Variants in SEMA3C observed in about 807,000 individuals in gnomAD.
The protein encoded by SEMA3C is semaphorin 3C, also known as semaphorin-3C.
A neutral mutation model predicts 89.4 loss-of-function variants in SEMA3C; 47 were observed. The observed-to-expected ratio is 0.53, with a 90% CI of 0.42 to 0.67. The LOEUF (loss-of-function observed/expected upper bound fraction) is 0.67. SEMA3C is among the 30% of genes least tolerant of loss of function. SEMA3C has a pLI of 0.00. For missense variants in SEMA3C, 839 were observed against 929.1 expected (o/e 0.90, Z 1.26); for synonymous variants, 310 against 320.2 (o/e 0.97, Z 0.34).
At chr7:80,863,923 T>TTA (rs1554383239) in intron 2 of SEMA3C, among the ~76,000 whole-genome samples, 2 of 118,876 alleles carry the variant, frequency 1.7e-5, no homozygotes, top group East Asian at 2.4e-4. Flanking sequence ...CACATATATA[T>TTA]CATATATATC....
intron 2 of SEMA3C, among the ~76,000 whole-genome samples, chr7:80,865,703 G>A (rs947710581): frequency 2.0e-5 from 3 of 152,124 alleles, no homozygotes; most frequent in African/African-American, 7.2e-5. Context: ...GCTGAGACAG[G>A]AGAATCACTT....
chr7:80,848,268 C>T (rs1043446660), intron 2 of SEMA3C, among the ~76,000 whole-genome samples: 3 of 152,172 alleles, frequency 2.0e-5, no homozygotes, highest in African/African-American at 7.2e-5. Flanking sequence ...TGGGACTATG[C>T]TCCCTCCTTT....
intron 12 of SEMA3C, among the ~76,000 whole-genome samples, chr7:80,780,732 A>G (rs1788672435): frequency 1.3e-5 from 2 of 152,038 alleles, no homozygotes; most frequent in South Asian, 4.2e-4. Context: ...AAAAATAGAA[A>G]AATTAGCCAG....
At chr7:80,888,878 T>A (rs1376754294) in intron 2 of SEMA3C, among the ~76,000 whole-genome samples, 1 of 151,698 alleles carries the variant, frequency 6.6e-6, no homozygotes, top group Non-Finnish European at 1.5e-5. Flanking sequence ...TTTTTTTTTC[T>A]TTTGAGATGG....
rs1400779594 is a variant in SEMA3C, at chr7:80,900,348, C to T, written c.103+16331G>A. On this transcript the variant is annotated intron_variant, in intron 2 of 17. Coordinates refer to ENST00000265361, the MANE Select transcript of SEMA3C (RefSeq NM_006379.5). ...TAGGATGGTCTCAATCTCCTGACCT[C>T]GTGATCCATCCACCTTGGTCTCCCA... 3.9e-5 allele frequency among the ~76,000 whole-genome samples: 6 copies of T among 152,232 alleles called. No homozygotes were observed. The South Asian group carries it at 8.3e-4, about 21-fold the overall frequency.
intron 13 of SEMA3C, among the ~76,000 whole-genome samples, chr7:80,762,510 C>T (rs1457637726): frequency 6.6e-6 from 1 of 152,186 alleles, no homozygotes; most frequent in East Asian, 1.9e-4. Context: ...TTATTAGTTA[C>T]TTTTAATGAT....
intron 8 of SEMA3C, 36 bp from the exon 9 acceptor site, chr7:80,802,815 A>C (rs767430752): frequency 6.8e-7 from 1 of 1,477,052 alleles, no homozygotes; most frequent in Non-Finnish European, 9.4e-7. Flanking sequence ...CAGATTGCTT[A>C]AGTAAATATT....
intron 2 of SEMA3C, among the ~76,000 whole-genome samples, chr7:80,879,112 G>T (rs1791269729): frequency 6.6e-6 from 1 of 151,820 alleles, no homozygotes; most frequent in South Asian, 2.1e-4. Flanking sequence ...AGGAGAGGAT[G>T]TACAAATACC....
intron 15 of SEMA3C, among the ~76,000 whole-genome samples, chr7:80,753,399 T>C (rs531153695): frequency 2.0e-5 from 3 of 152,334 alleles, no homozygotes; most frequent in Admixed American, 2.0e-4. Flanking sequence ...TCATCCACAA[T>C]GGCTAAATTT....
At chr7:80,758,213 C>A (rs1463709248) in intron 15 of SEMA3C, 118 bp downstream of exon 15, 2 of 1,124,846 alleles carry the variant, frequency 1.8e-6, no homozygotes, top group Non-Finnish European at 2.5e-6. Context: ...TTAAACATAG[C>A]TTCTACCTTT....
chr7:80,915,734 C>G (rs1792255688), intron 2 of SEMA3C: 1 of 124,438 alleles, frequency 8.0e-6, no homozygotes, highest in African/African-American at 3.5e-5. Context: ...GCGTGAGACA[C>G]TGTCTCAAAA....
chr7:80,761,133 T>C (rs1466895989), intron 14 of SEMA3C, among the ~76,000 whole-genome samples: 1 of 152,136 alleles, frequency 6.6e-6, no homozygotes, highest in African/African-American at 2.4e-5. Context: ...TTTTTTGACA[T>C]GTTTAAATCC....
chr7:80,759,004 T>C (rs1788128026), intron 14 of SEMA3C, among the ~76,000 whole-genome samples: 1 of 152,206 alleles, frequency 6.6e-6, no homozygotes, highest in Non-Finnish European at 1.5e-5. Context: ...GAAAGTTGCA[T>C]GTTACTCATT....
At chr7:80,910,105 T>C (rs1792108744) in intron 2 of SEMA3C, among the ~76,000 whole-genome samples, 2 of 152,196 alleles carry the variant, frequency 1.3e-5, no homozygotes, top group African/African-American at 4.8e-5. Flanking sequence ...GCACTGCTCA[T>C]AATTAATTTT....
upstream of SEMA3C, among the ~76,000 whole-genome samples, chr7:80,920,205 G>A (rs574460631): frequency 5.3e-5 from 8 of 152,266 alleles, no homozygotes; most frequent in Admixed American, 5.2e-4. Flanking sequence ...ATGTTTAAGT[G>A]AAAATTACTT....
At chr7:80,748,631 T>C (rs1787853206) in intron 17 of SEMA3C, among the ~76,000 whole-genome samples, 1 of 152,148 alleles carries the variant, frequency 6.6e-6, no homozygotes, top group Non-Finnish European at 1.5e-5. Flanking sequence ...TTTACGAACG[T>C]TTCCTCACAT....
chr7:80,779,840 T>C (rs779371633), intron 12 of SEMA3C, among the ~76,000 whole-genome samples: 1 of 152,170 alleles, frequency 6.6e-6, no homozygotes, highest in Non-Finnish European at 1.5e-5. Flanking sequence ...AGTGAGAGAC[T>C]CTACTAGCCT....
At chr7:80,815,317 T>C (rs1789574532) in intron 5 of SEMA3C, among the ~76,000 whole-genome samples, 1 of 151,958 alleles carries the variant, frequency 6.6e-6, no homozygotes, top group African/African-American at 2.4e-5. Context: ...GGGAGTCAAT[T>C]TGGTCACTGA....
intron 15 of SEMA3C, among the ~76,000 whole-genome samples, chr7:80,756,444 A>G (rs1259866832): frequency 1.3e-5 from 2 of 151,796 alleles, no homozygotes; most frequent in Admixed American, 6.6e-5. Context: ...TCTGCCTCCA[A>G]CCTCTTCCTA....
Sources: allele counts gnomAD v4.1 joint callset (sites outside exome capture counted in the v4.1 genomes callset), GRCh38; gene constraint gnomAD v4.1.1; transcripts MANE v1.5; gene names NCBI Gene and HGNC (gene_info 2026-07-23, HGNC 2026-07-21).